The following UBN2 variants were observed in gnomAD, a reference collection of about 807,000 sequenced individuals.
UBN2 encodes the protein ubinuclein-2.
UBN2 carries 35 observed loss-of-function variants against 120.2 expected under a neutral mutation model. The ratio of observed to expected loss-of-function variants is 0.29; its 90% CI spans 0.22 to 0.39. UBN2 has a LOEUF of 0.39. UBN2 is among the 10% of genes least tolerant of loss of function. The pLI, the probability that UBN2 is intolerant of heterozygous loss-of-function variation, is 1.00. For synonymous variants in UBN2, 661 were observed against 648.7 expected, an observed-to-expected ratio of 1.02 and a Z score of -0.29; for missense variants, 1,693 against 1,663.2, an observed-to-expected ratio of 1.02 and a Z score of -0.31.
chr7:139,266,292 T>G (rs780819971), intron 6 of UBN2, 41 bp from the exon 7 acceptor site: 4 of 1,249,072 alleles, frequency 3.2e-6, no homozygotes, highest in Non-Finnish European at 3.4e-6. Flanking sequence ...AATAGAGTAA[T>G]GGCCTATTTT....
chr7:139,256,355 C>T (rs1035610879), intron 3 of UBN2, among the ~76,000 whole-genome samples: 1 of 152,162 alleles, frequency 6.6e-6, no homozygotes, highest in African/African-American at 2.4e-5. Context: ...TTTTTTCTTA[C>T]ACCAAATTAT....
At chr7:139,291,360 C>CAA (rs774759708) in intron 15 of UBN2, among the ~76,000 whole-genome samples, 1,036 of 40,934 alleles carry the variant, frequency 0.025, 26 homozygotes, top group Middle Eastern at 0.058. Context: ...GACTCTGTCT[C>CAA]AAAAAAAAAA....
intron 13 of UBN2, among the ~76,000 whole-genome samples, chr7:139,280,111 G>A (rs953411099): frequency 2.6e-5 from 4 of 152,094 alleles, no homozygotes; most frequent in South Asian, 2.1e-4. Flanking sequence ...TTGGTATAAC[G>A]TGCCCTCTTC....
Position 139,261,678 on chromosome 7 carries a change from G to A in UBN2, c.1332G>A (p.Val444=). The A allele has an allele frequency of 6.2e-7, 1 of 1,614,130 alleles. No homozygotes were observed. ...ACACTTCTCAGGTTATGCCCAAAGT[G>A]GTACCTACACTCCCAGAGGGTCTAC... The part of the protein sequence containing the change: ...PTYTSQVMPK[V]VPTLPEGLPV... The change falls in exon 6 of 18, where the codon GTG becomes GTA. Residue 444 remains valine, a synonymous_variant. Coordinates refer to ENST00000473989, the MANE Select transcript of UBN2 (RefSeq NM_173569.4).
At chr7:139,257,206 A>G (rs1035240910) in intron 3 of UBN2, among the ~76,000 whole-genome samples, 4 of 152,150 alleles carry the variant, frequency 2.6e-5, no homozygotes, top group African/African-American at 9.7e-5. Flanking sequence ...TTATCAGGTG[A>G]GGTAATGATA....
At chr7:139,253,974 G>T (rs1796688784) in intron 3 of UBN2, among the ~76,000 whole-genome samples, 1 of 152,174 alleles carries the variant, frequency 6.6e-6, no homozygotes, top group Non-Finnish European at 1.5e-5. Flanking sequence ...AGGCACATTG[G>T]ATATTCTGTC....
In UBN2 at chr7:139,251,977, C is replaced by A. The variant is rs771876126; in HGVS notation, c.583C>A (p.Arg195=). ...GCAGGGTGGGAAACCCCGTAAACAC[C>A]GGAAGGATCGGCTACAAGATTTAAT... ...MKYGGKPRKH[R]KDRLQDLIDI... is the part of the protein sequence containing the mutation. The change falls in exon 3 of 18, where the codon CGG becomes AGG. Residue 195 remains arginine, a synonymous_variant. Transcript: ENST00000473989. The A allele has an allele frequency of 6.2e-7, 1 of 1,613,992 alleles. No homozygotes were observed. Among genetic ancestry groups the A allele is most frequent in the Non-Finnish European group, 8.5e-7 (1 of 1,179,950 alleles).
chr7:139,288,768 C>CCGAGGTGAGCGGATCA (rs1336626291), intron 15 of UBN2, among the ~76,000 whole-genome samples: 26 of 152,070 alleles, frequency 1.7e-4, no homozygotes, highest in East Asian at 9.7e-4. Flanking sequence ...CTTTGGGAGG[C>CCGAGGTGAGCGGATCA]CGAGGTGAGC....
At chr7:139,290,872 G>A (rs886776776) in intron 15 of UBN2, among the ~76,000 whole-genome samples, 13 of 152,184 alleles carry the variant, frequency 8.5e-5, no homozygotes, top group Admixed American at 7.9e-4. Flanking sequence ...TATGTGGCAT[G>A]TGTGTGTGGA....
chr7:139,234,163 G>A (rs1022550248), intron 1 of UBN2, among the ~76,000 whole-genome samples: 9 of 152,126 alleles, frequency 5.9e-5, no homozygotes, highest in Admixed American at 1.3e-4. Context: ...ATTAGAATTG[G>A]TCTGGAAAGT....
At position 139,235,811 on chromosome 7, in the gene UBN2, C is replaced by A. The variant is rs527980859; in HGVS notation, c.469-1194C>A. 9.9e-5 allele frequency among the ~76,000 whole-genome samples: 15 copies of A among 152,278 alleles called. No individual in the cohort carries two copies. The South Asian group carries it at 3.1e-3, about 32-fold the overall frequency. On this transcript the variant is annotated intron_variant, in intron 1 of 17. Coordinates refer to ENST00000473989, the MANE Select transcript of UBN2 (RefSeq NM_173569.4). The stretch of plus-strand genomic sequence containing the variant: ...AGTTAACTCCTTTAAAGAAGTATCC[C>A]TTTATTCTAATGTCCCAAGTGTGAG...
rs1018622610 is a variant in UBN2 at position 139,294,978 on chromosome 7, C to G, written c.3994+997C>G. ...GGCTCCAGCTTCTCGTTTTCCCCAG[C>G]AGTCTACCTCCATAGACACTGATAT... On this transcript the variant is annotated intron_variant, in intron 17 of 17. Coordinates refer to ENST00000473989, the MANE Select transcript of UBN2 (RefSeq NM_173569.4). Among the ~76,000 whole-genome samples the G allele has an allele frequency of 2.0e-5, 3 of 152,192 alleles. No individual in the cohort carries two copies. In the South Asian group the frequency reaches 6.2e-4, roughly 32 times the overall value.
At chr7:139,260,962 G>T (rs1200923993) in intron 5 of UBN2, among the ~76,000 whole-genome samples, 2 of 152,180 alleles carry the variant, frequency 1.3e-5, no homozygotes, top group Admixed American at 1.3e-4. Flanking sequence ...GCACATAGAA[G>T]CATTTAAGCC....
intron 13 of UBN2, among the ~76,000 whole-genome samples, chr7:139,281,269 G>A (rs1325227723): frequency 6.6e-6 from 1 of 152,076 alleles, no homozygotes; most frequent in Non-Finnish European, 1.5e-5. Flanking sequence ...AAATGGAAAA[G>A]CTATACTGTT....
chr7:139,312,490 T>C (rs1183152074), downstream of UBN2, among the ~76,000 whole-genome samples: 2 of 152,330 alleles, frequency 1.3e-5, no homozygotes, highest in East Asian at 1.9e-4. Context: ...AGGTGATAGT[T>C]AGTCTTCCCT....
intron 10 of UBN2, 141 bp from the exon 11 acceptor site, chr7:139,273,790 G>A (rs1797360253): frequency 3.1e-6 from 2 of 646,334 alleles, no homozygotes; most frequent in Admixed American, 3.7e-5. Context: ...GTTTCATATT[G>A]CAGGTTTGAC....
intron 2 of UBN2, among the ~76,000 whole-genome samples, chr7:139,245,904 G>GA (rs1796456728): frequency 1.3e-5 from 2 of 152,170 alleles, no homozygotes; most frequent in Admixed American, 1.3e-4. Context: ...AAAATTGTAA[G>GA]AAAAAAGTTG....
At chr7:139,237,776 C>A (rs1796204948) in intron 2 of UBN2, among the ~76,000 whole-genome samples, 1 of 152,126 alleles carries the variant, frequency 6.6e-6, no homozygotes, top group Non-Finnish European at 1.5e-5. Flanking sequence ...CCCTTTCCGC[C>A]ACCATCGAGA....
At chr7:139,266,730 T>G (rs898616342) in intron 7 of UBN2, among the ~76,000 whole-genome samples, 1 of 152,208 alleles carries the variant, frequency 6.6e-6, no homozygotes, top group Non-Finnish European at 1.5e-5. Context: ...AGAGCGTTTA[T>G]ATACAGATTT....
Sources: allele counts gnomAD v4.1 joint callset (sites outside exome capture counted in the v4.1 genomes callset), GRCh38; gene constraint gnomAD v4.1.1; transcripts MANE v1.5; gene names NCBI Gene and HGNC (gene_info 2026-07-23, HGNC 2026-07-21).